The following FER1L6 variants were observed in gnomAD, a reference collection of about 807,000 sequenced individuals.
FER1L6 encodes fer-1-like protein 6.
A neutral mutation model predicts 219.2 loss-of-function variants in FER1L6; 177 were observed. That is an observed-to-expected ratio of 0.81 (90% CI 0.71 to 0.91). The LOEUF is 0.91. Ranked by LOEUF, FER1L6 falls within the 40% of genes least tolerant of loss-of-function variation. FER1L6 has a pLI of 0.00. For missense variants in FER1L6, 2,153 were observed against 2,259.9 expected, an observed-to-expected ratio of 0.95 and a Z score of 0.96; for synonymous variants, 768 against 824.3, an observed-to-expected ratio of 0.93 and a Z score of 1.17.
At chr8:124,014,565 G>C (rs1414477733) in intron 15 of FER1L6, 1 of 152,600 alleles carries the variant, frequency 6.6e-6, no homozygotes, top group African/African-American at 2.4e-5. Flanking sequence ...CAGAGAGACA[G>C]GGAGACATGG....
At chr8:124,112,615 T>A (rs1823068134) in intron 39 of FER1L6, among the ~76,000 whole-genome samples, 1 of 152,224 alleles carries the variant, frequency 6.6e-6, no homozygotes, top group Non-Finnish European at 1.5e-5. Flanking sequence ...CAAGGTAAAT[T>A]CTATCCCTGG....
chr8:123,956,881 G>C (rs1815045744), intron 2 of FER1L6, among the ~76,000 whole-genome samples: 1 of 152,172 alleles, frequency 6.6e-6, no homozygotes, highest in Non-Finnish European at 1.5e-5. Context: ...CTCCAAAAGG[G>C]CAAAGTCTTG....
At chr8:123,906,149 C>T (rs989716570) in intron 1 of FER1L6, among the ~76,000 whole-genome samples, 1 of 152,166 alleles carries the variant, frequency 6.6e-6, no homozygotes, top group Non-Finnish European at 1.5e-5. Context: ...GACCCTTGGC[C>T]CAACTGTAGG....
At chr8:124,109,800 G>C (rs891300316) in intron 39 of FER1L6, among the ~76,000 whole-genome samples, 1 of 152,204 alleles carries the variant, frequency 6.6e-6, no homozygotes, top group African/African-American at 2.4e-5. Context: ...CCCCCAAGAA[G>C]CTGCTATCTT....
chr8:123,905,346 C>T (rs1484046761), intron 1 of FER1L6, among the ~76,000 whole-genome samples: 1 of 152,156 alleles, frequency 6.6e-6, no homozygotes, highest in African/African-American at 2.4e-5. Flanking sequence ...TTTTCTGTTC[C>T]TGTGTTAGTT....
intron 40 of FER1L6, among the ~76,000 whole-genome samples, 196 bp downstream of exon 40, chr8:124,119,140 T>C (rs993070150): frequency 6.6e-6 from 1 of 152,194 alleles, no homozygotes; most frequent in Non-Finnish European, 1.5e-5. Flanking sequence ...ACATAAAGTA[T>C]GCCTTCCAGG....
At chr8:124,072,298 G>GT (rs1315431803) in intron 31 of FER1L6, among the ~76,000 whole-genome samples, 1 of 152,186 alleles carries the variant, frequency 6.6e-6, no homozygotes, top group African/African-American at 2.4e-5. Flanking sequence ...CAAGAAAGAT[G>GT]TTAACTCCTC....
At chr8:123,939,657 C>T (rs1419689218) in intron 1 of FER1L6, among the ~76,000 whole-genome samples, 1 of 152,154 alleles carries the variant, frequency 6.6e-6, no homozygotes, top group Non-Finnish European at 1.5e-5. Flanking sequence ...CAGGAAGGGA[C>T]TTGAGTTAGT....
At chr8:124,114,324 C>T (rs548815906) in intron 39 of FER1L6, among the ~76,000 whole-genome samples, 3 of 152,218 alleles carry the variant, frequency 2.0e-5, no homozygotes, top group Admixed American at 6.5e-5. Flanking sequence ...TGATTTTTCC[C>T]TTGCTTTTTT....
intron 1 of FER1L6, among the ~76,000 whole-genome samples, chr8:123,867,247 T>C (rs1816852215): frequency 1.3e-5 from 2 of 152,206 alleles, no homozygotes; most frequent in South Asian, 2.1e-4. Flanking sequence ...TTGTATATGG[T>C]GTGACATTTT....
chr8:124,114,073 T>G (rs1216019021), intron 39 of FER1L6, among the ~76,000 whole-genome samples: 1 of 152,194 alleles, frequency 6.6e-6, no homozygotes, highest in East Asian at 1.9e-4. Flanking sequence ...TATAAAAATT[T>G]TTCTAACCCT....
intron 2 of FER1L6, among the ~76,000 whole-genome samples, chr8:123,956,965 T>C (rs1223716324): frequency 6.6e-6 from 1 of 152,192 alleles, no homozygotes; most frequent in Non-Finnish European, 1.5e-5. Context: ...TTGAATTAAA[T>C]TGGATCAGTG....
At chr8:124,066,142 A>T (rs1319667763) in intron 26 of FER1L6, among the ~76,000 whole-genome samples, 2 of 152,188 alleles carry the variant, frequency 1.3e-5, no homozygotes, top group Admixed American at 1.3e-4. Flanking sequence ...TAGCTCCTGT[A>T]CTGTATCCAG....
chr8:123,924,317 G>T (rs1416676986), intron 1 of FER1L6, among the ~76,000 whole-genome samples: 1 of 151,862 alleles, frequency 6.6e-6, no homozygotes, highest in East Asian at 1.9e-4. Flanking sequence ...GGCTGAGGTG[G>T]ATCATCTGAG....
intron 9 of FER1L6, 21 bp downstream of exon 9, chr8:123,976,105 A>T (rs1816061610): frequency 1.3e-6 from 2 of 1,579,142 alleles, no homozygotes; most frequent in Non-Finnish European, 1.7e-6. Flanking sequence ...ATTGTCACTA[A>T]CACTGCCTGC....
At chr8:123,862,880 A>G (rs1176847878) in intron 1 of FER1L6, among the ~76,000 whole-genome samples, 1 of 144,482 alleles carries the variant, frequency 6.9e-6, no homozygotes, top group Non-Finnish European at 1.5e-5. Context: ...CTTTTTCTTT[A>G]TTAGTCTTGC....
rs1821068403 is a variant in FER1L6, at chr8:124,071,486, G to A, written c.3967-20G>A. The A allele has an allele frequency of 1.9e-6, 3 of 1,613,580 alleles. No individual in the cohort carries two copies. In the South Asian group the frequency reaches 3.3e-5, roughly 18 times the overall value. On this transcript the variant is annotated intron_variant, in intron 30 of 40. Transcript: ENST00000522917. ...ACATATGACCATCTCATTTCAATGG[G>A]TTGCGTTTTGTGGTTCCAGGGCTCC...
intron 6 of FER1L6, among the ~76,000 whole-genome samples, chr8:123,973,039 GT>G (rs1205664487): frequency 1.3e-5 from 2 of 152,228 alleles, no homozygotes; most frequent in African/African-American, 4.8e-5. Context: ...TGAGAAAGTT[GT>G]GAGCAAAGTT....
intron 28 of FER1L6, among the ~76,000 whole-genome samples, chr8:124,068,040 G>C (rs1298218384): frequency 1.3e-5 from 2 of 152,138 alleles, no homozygotes; most frequent in Non-Finnish European, 2.9e-5. Flanking sequence ...TGGACCCTTT[G>C]GCTCAAGTTC....
Sources: allele counts gnomAD v4.1 joint callset (sites outside exome capture counted in the v4.1 genomes callset), GRCh38; gene constraint gnomAD v4.1.1; transcripts MANE v1.5; gene names NCBI Gene and HGNC (gene_info 2026-07-23, HGNC 2026-07-21).